PDZD7: variants seen among roughly 807,000 people sequenced by gnomAD.
PDZD7 encodes PDZ domain containing 7.
Under a neutral mutation model 84.7 loss-of-function variants are expected in PDZD7, and 72 were observed. The observed-to-expected ratio is 0.85, with a 90% CI of 0.70 to 1.03. The LOEUF (loss-of-function observed/expected upper bound fraction) is 1.03. Ranked by LOEUF, PDZD7 falls within the 50% of genes least tolerant of loss-of-function variation. The probability of loss-of-function intolerance (pLI) is 0.00; values close to 1 mark genes in which losing one functional copy is unlikely to be tolerated. For synonymous variants in PDZD7, 594 were observed against 580.7 expected (o/e 1.02, Z -0.33); for missense variants, 1,490 against 1,412.9 (o/e 1.05, Z -0.87).
At chr10:101,025,957 C>G (rs1489203413) in intron 2 of PDZD7, among the ~76,000 whole-genome samples, 1 of 152,110 alleles carries the variant, frequency 6.6e-6, no homozygotes. Context: ...GAGGGTCCTC[C>G]CATCTGTTAG....
Position 101,018,213 on chromosome 10 carries a change from G to A in PDZD7, c.1408C>T (p.Leu470Phe), listed in dbSNP as rs1462342137. ...CCCTGCCGCCCTCCCTTGAAGAAGA[G>A]GTTCATCAGCGTCTTGGAGCGCTGC... ...ALQRSKTLMN[L>F]FFKGGRQGRL... Residue 470 changes from leucine (L) to phenylalanine (F), a missense_variant, in exon 9 of 17, where the codon CTC becomes TTC. Coordinates refer to ENST00000619208, the MANE Select transcript of PDZD7 (RefSeq NM_001195263.2). The A allele has an allele frequency of 1.2e-6, 2 of 1,614,098 alleles. No individual in the cohort carries two copies. Among genetic ancestry groups the A allele is most frequent in the Non-Finnish European group, 1.7e-6 (2 of 1,180,048 alleles).
chr10:101,028,084 G>A (rs1444249256), intron 2 of PDZD7, among the ~76,000 whole-genome samples: 9 of 152,196 alleles, frequency 5.9e-5, no homozygotes, highest in South Asian at 2.1e-4. Flanking sequence ...AGGGTTCCAG[G>A]CTGCGGTGAC....
At position 101,010,482 on chromosome 10, in the gene PDZD7, G is replaced by A. The variant is rs754184946; in HGVS notation, c.2407C>T (p.Pro803Ser). Residue 803 changes from proline (P) to serine (S), a missense_variant, in exon 15 of 17, where the codon CCT becomes TCT. By Grantham distance (74) the Pro-to-Ser change is moderately conservative. Transcript: ENST00000619208. Reference protein sequence around the residue: ...GRRSPSPVPTPAPSMTNGRYH... With the variant: ...GRRSPSPVPTSAPSMTNGRYH... ...CGCCCATTGGTCATGCTGGGGGCAG[G>A]GGTAGGCACCGGGGATGGGGAGCGT... is the stretch of plus-strand genomic sequence containing the variant. 1.3e-6 allele frequency: 2 copies of A among 1,535,224 alleles called. No individual in the cohort carries two copies. The highest frequency in any genetic ancestry group is 2.4e-5 in the South Asian group (2 of 84,056).
intron 2 of PDZD7, among the ~76,000 whole-genome samples, chr10:101,028,473 T>C (rs1475804567): frequency 6.6e-6 from 1 of 152,100 alleles, no homozygotes; most frequent in Non-Finnish European, 1.5e-5. Context: ...TGCATGCCTA[T>C]AGTTCTGGCT....
intron 14 of PDZD7, 73 bp from the exon 15 acceptor site, chr10:101,010,956 G>T (rs1477645093): frequency 1.4e-5 from 22 of 1,525,650 alleles, no homozygotes; most frequent in Non-Finnish European, 1.7e-5. Flanking sequence ...TGGTTTGTGT[G>T]GGGCCTGTGA....
chr10:101,018,105 C>T lies in PDZD7; in HGVS notation c.1516G>A (p.Glu506Lys). Reference protein sequence around the residue: ...LAKTYPRLDIEKAGGVGPVQK... With the variant: ...LAKTYPRLDIKKAGGVGPVQK... ...TGATCAGCCCACTACTTACCTTTCTCTATGTCCAGGCGAGGGTAAGTTTTG... is the reference window on the plus strand; with the variant it reads ...TGATCAGCCCACTACTTACCTTTCTTTATGTCCAGGCGAGGGTAAGTTTTG... The change falls in exon 9 of 17, where the codon GAG (glutamate) becomes AAG (lysine). Residue 506 changes from glutamate to lysine, a missense_variant. Transcript: ENST00000619208. 6.2e-7 allele frequency: 1 copy of T among 1,614,174 alleles called. No homozygotes were observed. Among genetic ancestry groups the T allele is most frequent in the Non-Finnish European group, 8.5e-7 (1 of 1,180,026 alleles).
chr10:101,014,164 G>C (rs866539898), intron 11 of PDZD7, among the ~76,000 whole-genome samples: 1 of 152,110 alleles, frequency 6.6e-6, no homozygotes, highest in Non-Finnish European at 1.5e-5. Context: ...TGGCCAACCA[G>C]ACAGGGGTTT....
chr10:101,016,504 G>A, intron 9 of PDZD7, 77 bp from the exon 10 acceptor site: 1 of 1,452,350 alleles, frequency 6.9e-7, no homozygotes, highest in Non-Finnish European at 9.4e-7. Context: ...CTCAGGACAA[G>A]CTGGAATGGA....
chr10:101,018,111 C>G lies in PDZD7; in HGVS notation c.1510G>C (p.Asp504His). Reference sequence around the variant, plus strand: ...GCCCACTACTTACCTTTCTCTATGTCCAGGCGAGGGTAAGTTTTGGCCAGG... The same window carrying G: ...GCCCACTACTTACCTTTCTCTATGTGCAGGCGAGGGTAAGTTTTGGCCAGG... ...GSLAKTYPRL[D>H]IEKAGGVGPV... The change falls in exon 9 of 17, where the codon GAC becomes CAC. Residue 504 changes from aspartate (D) to histidine (H), a missense_variant. Transcript: ENST00000619208. 1 of 1,614,132 alleles carries G rather than the reference C, an allele frequency of 6.2e-7. No homozygotes were observed. Among genetic ancestry groups the G allele is most frequent in the South Asian group, 1.1e-5 (1 of 91,082 alleles).
intron 4 of PDZD7, chr10:101,023,095 TTTAG>T: frequency 5.0e-6 from 1 of 199,390 alleles, no homozygotes; most frequent in Non-Finnish European, 9.9e-6. Context: ...TTTTTTTTTT[TTTAG>T]AGAAGGGGTC....
In PDZD7 at chr10:101,015,731, G is replaced by T; in HGVS notation, c.1654C>A (p.Gln552Lys). The change falls in exon 11 of 17, where the codon CAG (glutamine) becomes AAG (lysine). Residue 552 changes from glutamine to lysine, a missense_variant. Transcript: ENST00000619208. The stretch of plus-strand genomic sequence containing the variant: ...AGGGGCCGCCGGCTCTCCCAGGCCT[G>T]AACCTGCTCATCCACATTAGGCAGC... ...SQLPNVDEQVQAWESRRPLIQ... is the reference protein window; with the variant it reads ...SQLPNVDEQVKAWESRRPLIQ... The T allele has an allele frequency of 1.3e-6, 2 of 1,550,234 alleles. No individual in the cohort carries two copies. Among genetic ancestry groups the T allele is most frequent in the Non-Finnish European group, 1.7e-6 (2 of 1,146,968 alleles).
intron 7 of PDZD7, 31 bp from the exon 8 acceptor site, chr10:101,019,248 G>T: frequency 1.3e-6 from 2 of 1,534,932 alleles, no homozygotes; most frequent in Non-Finnish European, 1.7e-6. Flanking sequence ...AGGGATCAGC[G>T]GGCTTGCTTC....
rs185466611 is a variant in PDZD7 at position 101,009,225 on chromosome 10, G to A, written c.2718+25C>T. 5.2e-5 allele frequency: 79 copies of A among 1,514,942 alleles called. No individual in the cohort carries two copies. The Admixed American group carries it at 1.5e-3, about 29-fold the overall frequency. The allele number at this position is 1,514,942 out of a possible 1,614,324, so 93.8% of individuals were successfully genotyped here. On this transcript the variant is annotated intron_variant, in intron 16 of 16. Transcript: ENST00000619208. ...CTGGTTTCAGCTGTGCTCTGAGAGG[G>A]TGGGCCAGGGCATGCTTCACCCACC... is the stretch of plus-strand genomic sequence containing the variant.
At chr10:101,016,355 G>A (rs1483755370) in intron 10 of PDZD7, 22 bp downstream of exon 10, 4 of 1,550,212 alleles carry the variant, frequency 2.6e-6, no homozygotes, top group Non-Finnish European at 3.5e-6. Context: ...ACTAGGCCTT[G>A]GTAAAGGGAT....
At chr10:101,030,419 A>G (rs905738093) in intron 1 of PDZD7, 35 bp from the exon 2 acceptor site, 3 of 686,552 alleles carry the variant, frequency 4.4e-6, no homozygotes, top group Non-Finnish European at 5.3e-6. Flanking sequence ...GGAGGGGTGT[A>G]AATGTTTCCC....
chr10:101,012,825 T>A (rs1852443554), intron 11 of PDZD7, among the ~76,000 whole-genome samples: 1 of 152,198 alleles, frequency 6.6e-6, no homozygotes, highest in African/African-American at 2.4e-5. Context: ...CAAATTAGGC[T>A]TTGTTCGGGG....
chr10:101,009,599 C>CTTTTTTTTTTTTTTT, intron 15 of PDZD7, among the ~76,000 whole-genome samples: 1 of 62,234 alleles, frequency 1.6e-5, no homozygotes, highest in Non-Finnish European at 2.7e-5. Context: ...GAGACAGAGT[C>CTTTTTTTTTTTTTTT]TTTTTTTTTT....
chr10:101,020,784 T>A, intron 6 of PDZD7, 106 bp from the exon 7 acceptor site: 1 of 824,394 alleles, frequency 1.2e-6, no homozygotes, highest in Non-Finnish European at 2.1e-6. Context: ...ACTTCATTTC[T>A]GTCCTCCAAA....
chr10:101,029,926 G>A, intron 2 of PDZD7, 68 bp downstream of exon 2: 1 of 1,503,956 alleles, frequency 6.6e-7, no homozygotes, highest in Non-Finnish European at 9.2e-7. Flanking sequence ...GCCTCCTCCT[G>A]CTGAGTTCCC....
Sources: gnomAD v4.1 joint callset for allele counts (sites outside exome capture counted in the v4.1 genomes callset) on GRCh38, gnomAD v4.1.1 for gene constraint, MANE v1.5 for transcripts, NCBI Gene and HGNC (gene_info 2026-07-23, HGNC 2026-07-21) for gene names.